The following DHRSX variants were observed in gnomAD, a reference collection of about 807,000 sequenced individuals.
DHRSX encodes the protein polyprenol dehydrogenase.
A neutral mutation model predicts 34.0 loss-of-function variants in DHRSX; 31 were observed. The observed-to-expected ratio is 0.91, with a 90% CI of 0.69 to 1.23. The LOEUF (loss-of-function observed/expected upper bound fraction) is 1.23, where lower values mean the gene tolerates loss of function less well. Among genes scored for constraint, DHRSX ranks in the 50% most tolerant of loss-of-function variants. The pLI, the probability that DHRSX is intolerant of heterozygous loss-of-function variation, is 0.00. For synonymous variants in DHRSX, 201 were observed against 183.8 expected (o/e 1.09, Z -0.76); for missense variants, 414 against 428.1 (o/e 0.97, Z 0.29).
rs757824312 is a variant in DHRSX, at chrX:2,449,642, C to T, written c.110-24338G>A. Among the ~76,000 whole-genome samples, 69 of 152,118 alleles carry T rather than the reference C, an allele frequency of 4.5e-4. No individual in the cohort carries two copies. The South Asian group carries it at 0.013, about 28-fold the overall frequency. ...TCCCAAGTAGCTGTGACCACACACGCGTGCCACCACATTTGGCTAATTTTT... is the reference window on the plus strand; with the variant it reads ...TCCCAAGTAGCTGTGACCACACACGTGTGCCACCACATTTGGCTAATTTTT... On this transcript the variant is annotated intron_variant, in intron 1 of 6. Transcript: ENST00000334651.
At chrX:2,347,236 T>C (rs1198882120) in intron 3 of DHRSX, among the ~76,000 whole-genome samples, 1 of 152,128 alleles carries the variant, frequency 6.6e-6, no homozygotes, top group Non-Finnish European at 1.5e-5. Context: ...ACGTCTCACA[T>C]TGTGACAGAC....
At chrX:2,241,751 A>C (rs73183471) in intron 6 of DHRSX, among the ~76,000 whole-genome samples, 24,292 of 152,024 alleles carry the variant, frequency 0.16, 2,254 homozygotes, top group Admixed American at 0.2. Flanking sequence ...TCTACTAAAA[A>C]TACAAAATTA....
At chrX:2,257,657 G>A (rs1459038891) in intron 5 of DHRSX, among the ~76,000 whole-genome samples, 1 of 152,006 alleles carries the variant, frequency 6.6e-6, no homozygotes, top group East Asian at 1.9e-4. Flanking sequence ...CAGAGTTTCG[G>A]TCTTGTCACC....
At position 2,469,044 on chromosome X, in the gene DHRSX, G is replaced by A. The variant is rs193145103; in HGVS notation, c.109+31773C>T. Among the ~76,000 whole-genome samples, 637 of 148,196 alleles carry A rather than the reference G, an allele frequency of 4.3e-3. 7 individuals carry two copies. The highest frequency in any genetic ancestry group is 0.015 in the African/African-American group (597 of 39,942). On this transcript the variant is annotated intron_variant, in intron 1 of 6. Coordinates refer to ENST00000334651, the MANE Select transcript of DHRSX (RefSeq NM_145177.3). ...CATTCCCTAGGCACGTGGCTGAGGG[G>A]CCTCCGCCATGTACACACTGAAGGC...
intron 1 of DHRSX, chrX:2,490,087 G>A: frequency 6.2e-7 from 1 of 1,613,850 alleles, no homozygotes; most frequent in Non-Finnish European, 8.5e-7. Context: ...CGGCCAGCGT[G>A]ACGTAGGCGC....
intron 3 of DHRSX, among the ~76,000 whole-genome samples, chrX:2,322,832 C>T (rs957048923): frequency 4.6e-5 from 7 of 152,052 alleles, no homozygotes; most frequent in African/African-American, 1.7e-4. Context: ...TTGGGTGAGT[C>T]AAAAGTTATC....
Position 2,249,357 on chromosome X carries a change from T to C in DHRSX, c.597-6127A>G, listed in dbSNP as rs1192627522. The stretch of plus-strand genomic sequence containing the variant: ...ACAGGCACCTGCCACCATGCCCGGC[T>C]TTTTTTTTTTTTTTGTATTTTTAGT... On this transcript the variant is annotated intron_variant, in intron 5 of 6. Coordinates refer to ENST00000334651, the MANE Select transcript of DHRSX (RefSeq NM_145177.3). Among the ~76,000 whole-genome samples the C allele has an allele frequency of 5.1e-5, 6 of 118,130 alleles. No individual in the cohort carries two copies. The South Asian group carries it at 1.2e-3, about 24-fold the overall frequency. The allele number at this position is 118,130 out of a possible 152,430, so 77.5% of individuals were successfully genotyped here.
rs773130741 is a variant in DHRSX, at chrX:2,261,704, G to C, written c.596+5036C>G. ...GAGAATTGCTTGAACCCGGGAGGCGGAGGTTGCAGTGAGCCGAGATCACAC... is the reference window on the plus strand; with the variant it reads ...GAGAATTGCTTGAACCCGGGAGGCGCAGGTTGCAGTGAGCCGAGATCACAC... On this transcript the variant is annotated intron_variant, in intron 5 of 6. Coordinates refer to ENST00000334651, the MANE Select transcript of DHRSX (RefSeq NM_145177.3). 6 of 151,994 alleles carry C rather than the reference G, an allele frequency of 3.9e-5. No homozygotes were observed. The East Asian group carries it at 1.2e-3, about 30-fold the overall frequency. The allele number at this position is 151,994 out of a possible 1,614,324, so 9.4% of individuals were successfully genotyped here.
At chrX:2,319,884 G>A (rs113880325) in intron 3 of DHRSX, among the ~76,000 whole-genome samples, 5 of 151,782 alleles carry the variant, frequency 3.3e-5, no homozygotes, top group Admixed American at 2.0e-4. Context: ...GCTGGAGTGC[G>A]ATGGCGTGAT....
intron 3 of DHRSX, among the ~76,000 whole-genome samples, chrX:2,400,712 G>T (rs1339624497): frequency 6.6e-6 from 1 of 152,128 alleles, no homozygotes; most frequent in Admixed American, 6.6e-5. Context: ...CGTGGAACGG[G>T]TCACAAAGAG....
At chrX:2,428,675 T>A (rs779150649) in intron 1 of DHRSX, among the ~76,000 whole-genome samples, 1 of 152,114 alleles carries the variant, frequency 6.6e-6, no homozygotes, top group East Asian at 1.9e-4. Flanking sequence ...ATGTAGATGA[T>A]GGGTTGATGG....
At position 2,379,604 on chromosome X, in the gene DHRSX, T is replaced by G. The variant is rs1011974011; in HGVS notation, c.286+29141A>C. ...TGGGCTGGCAGTGGAGGTTTTTTTT[T>G]TTTTTTTTTTTTTTTAATGATGCTG... On this transcript the variant is annotated intron_variant, in intron 3 of 6. Transcript: ENST00000334651. 9.0e-3 allele frequency among the ~76,000 whole-genome samples: 1,343 copies of G among 149,340 alleles called. 37 individuals carry two copies. The East Asian group carries it at 0.092, about 10-fold the overall frequency.
At chrX:2,494,270 A>C (rs2045228710) in intron 1 of DHRSX, among the ~76,000 whole-genome samples, 1 of 150,992 alleles carries the variant, frequency 6.6e-6, no homozygotes, top group Admixed American at 6.6e-5. Flanking sequence ...ATATTATTAC[A>C]TTATTATTAT....
intron 3 of DHRSX, among the ~76,000 whole-genome samples, chrX:2,393,327 G>A (rs1480682482): frequency 2.6e-5 from 4 of 152,106 alleles, no homozygotes; most frequent in Non-Finnish European, 5.9e-5. Context: ...TGTGGACAGT[G>A]AATGGAAATG....
At chrX:2,357,344 T>C (rs1051680175) in intron 3 of DHRSX, among the ~76,000 whole-genome samples, 1 of 152,044 alleles carries the variant, frequency 6.6e-6, no homozygotes, top group African/African-American at 2.4e-5. Flanking sequence ...ATGGAAAGGT[T>C]TCGTGCAAAG....
chrX:2,298,244 C>G (rs2041958246), intron 3 of DHRSX, among the ~76,000 whole-genome samples: 1 of 151,268 alleles, frequency 6.6e-6, no homozygotes, highest in South Asian at 2.1e-4. Flanking sequence ...CCTGAGACAC[C>G]TTGGATTTAA....
At chrX:2,400,541 G>A (rs1435242604) in intron 3 of DHRSX, among the ~76,000 whole-genome samples, 5 of 152,166 alleles carry the variant, frequency 3.3e-5, no homozygotes, top group Non-Finnish European at 5.9e-5. Context: ...AGGCACTGAG[G>A]TAGATTGTCT....
intron 3 of DHRSX, among the ~76,000 whole-genome samples, chrX:2,320,617 ATTTG>A (rs1320922797): frequency 3.0e-5 from 3 of 100,618 alleles, no homozygotes; most frequent in East Asian, 3.1e-4. Context: ...TTTTGATTGG[ATTTG>A]TTTGACTTTA....
chrX:2,342,574 G>C (rs1313590003), intron 3 of DHRSX, among the ~76,000 whole-genome samples: 1 of 152,160 alleles, frequency 6.6e-6, no homozygotes, highest in Non-Finnish European at 1.5e-5. Context: ...CAGATGACAA[G>C]CATGTGAGTG....
Sources: gnomAD v4.1 joint callset for allele counts (sites outside exome capture counted in the v4.1 genomes callset) on GRCh38, gnomAD v4.1.1 for gene constraint, MANE v1.5 for transcripts, NCBI Gene and HGNC (gene_info 2026-07-23, HGNC 2026-07-21) for gene names.